FRMD1: variants seen among roughly 807,000 people sequenced by gnomAD.
FRMD1 encodes the protein FERM domain containing 1.
A neutral mutation model predicts 54.9 loss-of-function variants in FRMD1; 51 were observed. The ratio of observed to expected loss-of-function variants is 0.93; its 90% CI spans 0.74 to 1.17. FRMD1 has a LOEUF of 1.17. FRMD1 is among the 50% of genes most tolerant of loss of function. The probability of loss-of-function intolerance (pLI) is 0.00; values close to 1 mark genes in which losing one functional copy is unlikely to be tolerated. For missense variants in FRMD1, 729 were observed against 743.0 expected (o/e 0.98, Z 0.22); for synonymous variants, 324 against 306.4 (o/e 1.06, Z -0.60).
At chr6:168,071,401 G>T (rs902156481) in intron 2 of FRMD1, among the ~76,000 whole-genome samples, 6 of 152,190 alleles carry the variant, frequency 3.9e-5, no homozygotes, top group African/African-American at 1.4e-4. Context: ...CAAAGCAAGG[G>T]CTCTGGCCAG....
chr6:168,060,258 G>T (rs1454936923), intron 9 of FRMD1, among the ~76,000 whole-genome samples: 1 of 146,984 alleles, frequency 6.8e-6, no homozygotes, highest in East Asian at 2.1e-4. Flanking sequence ...TGTGGGGATG[G>T]GATTCCTGGG....
At chr6:168,064,791 C>T in intron 5 of FRMD1, 80 bp downstream of exon 5, 3 of 1,493,224 alleles carry the variant, frequency 2.0e-6, no homozygotes, top group African/African-American at 1.4e-5. Context: ...CCTCAGTCCC[C>T]TGCTCCCATG....
upstream of FRMD1, among the ~76,000 whole-genome samples, chr6:168,079,510 T>G (rs13200974): frequency 6.6e-6 from 1 of 152,144 alleles, no homozygotes. Context: ...TGGGCACAGA[T>G]GCCAGAGCCA....
intron 8 of FRMD1, among the ~76,000 whole-genome samples, 153 bp downstream of exon 8, chr6:168,061,654 C>T (rs1235802398): frequency 6.6e-6 from 1 of 152,234 alleles, no homozygotes; most frequent in Non-Finnish European, 1.5e-5. Flanking sequence ...GCCACCACTT[C>T]GCCCTTCGAC....
chr6:168,070,802 G>A (rs188295903), intron 2 of FRMD1, among the ~76,000 whole-genome samples: 1 of 152,344 alleles, frequency 6.6e-6, no homozygotes, highest in Non-Finnish European at 1.5e-5. Context: ...TGCTTCTCTG[G>A]AGAGCCTTGA....
upstream of FRMD1, chr6:168,081,655 G>T: frequency 1.4e-6 from 1 of 715,534 alleles, no homozygotes; most frequent in Non-Finnish European, 2.1e-6. Context: ...GTTCCGTGGT[G>T]AGAAGGAAGG....
At chr6:168,071,117 C>T (rs1177268380) in intron 2 of FRMD1, among the ~76,000 whole-genome samples, 2 of 152,180 alleles carry the variant, frequency 1.3e-5, no homozygotes, top group African/African-American at 4.8e-5. Flanking sequence ...GGCTGGACAC[C>T]GGCACCCTTG....
chr6:168,092,129 G>A (rs1323967449), intron 1 of FRMD1, among the ~76,000 whole-genome samples: 1 of 152,272 alleles, frequency 6.6e-6, no homozygotes. Flanking sequence ...TCAGCCAGGG[G>A]CCTCGCCAAG....
Position 168,060,564 on chromosome 6 carries a change from C to T in FRMD1, c.1342+197G>A, listed in dbSNP as rs535510457. On this transcript the variant is annotated intron_variant, in intron 9 of 10. Coordinates refer to ENST00000283309, the MANE Select transcript of FRMD1 (RefSeq NM_024919.6). ...GGGCACAGCAGGCTGCAGGCAGCTC[C>T]TCCCTGCCATCTCTGTTCTTCCGGC... is the stretch of plus-strand genomic sequence containing the variant. Among the ~76,000 whole-genome samples, 13 of 152,322 alleles carry T rather than the reference C, an allele frequency of 8.5e-5. No homozygotes were observed. The South Asian group carries it at 2.7e-3, about 32-fold the overall frequency.
chr6:168,069,789 C>G (rs1248290302), intron 2 of FRMD1, among the ~76,000 whole-genome samples: 1 of 152,202 alleles, frequency 6.6e-6, no homozygotes, highest in African/African-American at 2.4e-5. Context: ...ATCACTGTCC[C>G]CCTAAACCCC....
intron 3 of FRMD1, 96 bp from the exon 4 acceptor site, chr6:168,066,927 C>A: frequency 6.7e-7 from 1 of 1,494,068 alleles, no homozygotes; most frequent in Admixed American, 1.9e-5. Context: ...TTGCTTCACA[C>A]TCAGCTTAAA....
At chr6:168,069,157 C>G (rs978653672) in intron 2 of FRMD1, among the ~76,000 whole-genome samples, 1 of 152,214 alleles carries the variant, frequency 6.6e-6, no homozygotes, top group Non-Finnish European at 1.5e-5. Flanking sequence ...ATCTCACAGA[C>G]AGGGAGGCCC....
intron 9 of FRMD1, among the ~76,000 whole-genome samples, chr6:168,060,353 G>A (rs1381845803): frequency 8.5e-6 from 1 of 117,074 alleles, no homozygotes; most frequent in Non-Finnish European, 1.7e-5. Flanking sequence ...TTGGGAGGGG[G>A]GTTCTTCCTA....
At chr6:168,070,161 C>T (rs1050912418) in intron 2 of FRMD1, among the ~76,000 whole-genome samples, 9 of 150,970 alleles carry the variant, frequency 6.0e-5, no homozygotes, top group Middle Eastern at 3.4e-3. Flanking sequence ...GATCATAGCA[C>T]TGCATTCCAG....
intron 3 of FRMD1, 76 bp from the exon 4 acceptor site, chr6:168,066,907 G>A (rs1274195766): frequency 6.4e-7 from 1 of 1,574,044 alleles, no homozygotes; most frequent in Non-Finnish European, 8.6e-7. Flanking sequence ...CCCAGTTGGG[G>A]GGGCCTGGAT....
intron 8 of FRMD1, 60 bp from the exon 9 acceptor site, chr6:168,061,117 A>C: frequency 6.6e-7 from 1 of 1,517,428 alleles, no homozygotes; most frequent in Non-Finnish European, 8.9e-7. Flanking sequence ...CTGCTGATGC[A>C]GGAGGAAGAG....
At chr6:168,074,440 G>A (rs1396361398) in intron 2 of FRMD1, among the ~76,000 whole-genome samples, 2 of 151,322 alleles carry the variant, frequency 1.3e-5, no homozygotes, top group Non-Finnish European at 2.9e-5. Flanking sequence ...GTGTACATGT[G>A]CGAGTGGTGT....
intron 4 of FRMD1, chr6:168,066,104 G>T (rs796653007): frequency 2.1e-5 from 21 of 993,776 alleles, no homozygotes; most frequent in Non-Finnish European, 2.3e-5. Context: ...GAACCGCCAC[G>T]CAGCAAGCAT....
chr6:168,078,992 GC>G lies in FRMD1; in HGVS notation c.102del (p.Arg34SerfsTer39), dbSNP rs745364387. 4.3e-6 allele frequency: 7 copies of G among 1,612,362 alleles called. No homozygotes were observed. Among genetic ancestry groups the G allele is most frequent in the Admixed American group, 1.7e-5 (1 of 60,008 alleles). ...GTCGGCTCCTGCTGACTGCATGCAG[GC>G]CTCTCAGGACTGGGTTCCATACATC... ...GARCMEPSPE[R>X]PACSQQEPTL... is the part of the protein sequence containing the mutation. On this transcript the variant is annotated frameshift_variant, in exon 1 of 11. Coordinates refer to ENST00000283309, the MANE Select transcript of FRMD1 (RefSeq NM_024919.6). LOFTEE classifies it high-confidence loss of function.
Sources: gnomAD v4.1 joint callset for allele counts (sites outside exome capture counted in the v4.1 genomes callset) on GRCh38, gnomAD v4.1.1 for gene constraint, MANE v1.5 for transcripts, NCBI Gene and HGNC (gene_info 2026-07-23, HGNC 2026-07-21) for gene names.